The following THSD4 variants were observed in gnomAD, a reference collection of about 807,000 sequenced individuals.
THSD4 encodes thrombospondin type-1 domain-containing protein 4.
In THSD4, 69 loss-of-function variants were observed where a neutral mutation model predicts 119.0. That is an observed-to-expected ratio of 0.58 (90% CI 0.48 to 0.71). The LOEUF (loss-of-function observed/expected upper bound fraction) is 0.71. Ranked by LOEUF, THSD4 falls within the 30% of genes least tolerant of loss-of-function variation. The pLI is 0.00. For synonymous variants in THSD4, 524 were observed against 540.4 expected (o/e 0.97, Z 0.42); for missense variants, 1,393 against 1,391.1 (o/e 1.00, Z -0.02).
chr15:71,189,351 C>T (rs1343484293), intron 3 of THSD4, among the ~76,000 whole-genome samples: 4 of 152,172 alleles, frequency 2.6e-5, no homozygotes, highest in African/African-American at 4.8e-5. Flanking sequence ...TGTGCATTAG[C>T]ACCATTTCAG....
chr15:71,393,481 C>T (rs2046404071), intron 6 of THSD4, among the ~76,000 whole-genome samples: 1 of 152,014 alleles, frequency 6.6e-6, no homozygotes, highest in Non-Finnish European at 1.5e-5. Flanking sequence ...GGTTCCCAGG[C>T]CCTTGTAGAA....
chr15:71,622,547 C>T (rs1391935595), intron 7 of THSD4, among the ~76,000 whole-genome samples: 1 of 152,152 alleles, frequency 6.6e-6, no homozygotes. Context: ...TAGCATTTGG[C>T]CTTGTGTATT....
At chr15:71,423,513 G>A (rs1014589066) in intron 7 of THSD4, among the ~76,000 whole-genome samples, 1 of 152,134 alleles carries the variant, frequency 6.6e-6, no homozygotes, top group Non-Finnish European at 1.5e-5. Context: ...CTGGAATGGG[G>A]GCCTCAGGAC....
chr15:71,706,563 C>G (rs1159071393), intron 8 of THSD4, among the ~76,000 whole-genome samples: 2 of 152,172 alleles, frequency 1.3e-5, no homozygotes, highest in Non-Finnish European at 2.9e-5. Context: ...CAGTGGTGAG[C>G]ATAGCCACCT....
rs527841115 is a variant in THSD4 at position 71,503,042 on chromosome 15, A to G, written c.1152+91219A>G. ...ACAGCATACCAATTCTGTGGGTGCC[A>G]TCAATCAGGAAAGTTTGAGAAGCAC... On this transcript the variant is annotated intron_variant, in intron 7 of 17. Transcript: ENST00000261862. 2.1e-5 allele frequency among the ~76,000 whole-genome samples: 3 copies of G among 146,166 alleles called. No homozygotes were observed. In the East Asian group the frequency reaches 5.8e-4, roughly 28 times the overall value.
At chr15:71,585,465 T>C (rs796457293) in intron 7 of THSD4, among the ~76,000 whole-genome samples, 1 of 152,222 alleles carries the variant, frequency 6.6e-6, no homozygotes, top group East Asian at 1.9e-4. Context: ...GAGTTTCCTT[T>C]GTCTATGAAG....
At position 71,199,843 on chromosome 15, in the gene THSD4, CTGTGTGTGATGCATGTGTGGGGTGTG is replaced by C. The variant is rs1297834038; in HGVS notation, c.100-15183_100-15158del. On this transcript the variant is annotated intron_variant, in intron 3 of 17. Coordinates refer to ENST00000261862, the MANE Select transcript of THSD4 (RefSeq NM_024817.3). ...CACGTGTGGGGTGTGTGTGTGTGTG[CTGTGTGTGATGCATGTGTGGGGTGTG>C]TGTGTGTGTGGTGCATGTGTGGTAT... Among the ~76,000 whole-genome samples the C allele has an allele frequency of 2.0e-3, 166 of 81,092 alleles. 4 individuals are homozygous for C. In the South Asian group the frequency reaches 0.068, roughly 33 times the overall value. The allele number at this position is 81,092 out of a possible 152,430, so 53.2% of individuals were successfully genotyped here.
At chr15:71,241,449 C>G (rs1444978402) in intron 4 of THSD4, among the ~76,000 whole-genome samples, 7 of 152,124 alleles carry the variant, frequency 4.6e-5, no homozygotes, top group Non-Finnish European at 1.0e-4. Flanking sequence ...AAGGCCCTTA[C>G]CCCGCCCTGC....
chr15:71,714,311 C>G (rs1026356979), intron 8 of THSD4, among the ~76,000 whole-genome samples: 1 of 151,984 alleles, frequency 6.6e-6, no homozygotes, highest in Admixed American at 6.6e-5. Flanking sequence ...TGCTGCTATC[C>G]CCAGCACCTA....
At chr15:71,757,371 A>G (rs2053556959) in intron 14 of THSD4, among the ~76,000 whole-genome samples, 1 of 152,064 alleles carries the variant, frequency 6.6e-6, no homozygotes, top group Non-Finnish European at 1.5e-5. Flanking sequence ...ACTAGCAGGT[A>G]GAAATATGCC....
intron 6 of THSD4, among the ~76,000 whole-genome samples, chr15:71,355,257 A>C (rs2045793833): frequency 6.6e-6 from 1 of 152,234 alleles, no homozygotes; most frequent in Admixed American, 6.5e-5. Flanking sequence ...TTATTGCATA[A>C]GGTGAGTGTT....
At chr15:71,360,744 C>T (rs2045883406) in intron 6 of THSD4, among the ~76,000 whole-genome samples, 1 of 152,176 alleles carries the variant, frequency 6.6e-6, no homozygotes, top group South Asian at 2.1e-4. Context: ...TTTCACTTTA[C>T]AAGGGAGCAT....
At chr15:71,354,405 C>T (rs1330402209) in intron 6 of THSD4, among the ~76,000 whole-genome samples, 1 of 152,214 alleles carries the variant, frequency 6.6e-6, no homozygotes, top group African/African-American at 2.4e-5. Context: ...GCAGGGATCA[C>T]AGTGGCTTTA....
At chr15:71,553,173 G>A (rs566491407) in intron 7 of THSD4, among the ~76,000 whole-genome samples, 1 of 152,260 alleles carries the variant, frequency 6.6e-6, no homozygotes, top group East Asian at 1.9e-4. Flanking sequence ...ATGTGTATGT[G>A]TATGCCTATG....
At chr15:71,458,956 A>G (rs1036758868) in intron 7 of THSD4, among the ~76,000 whole-genome samples, 1 of 152,100 alleles carries the variant, frequency 6.6e-6, no homozygotes, top group Non-Finnish European at 1.5e-5. Flanking sequence ...GCCAGTCACA[A>G]GTTCTTTACT....
At chr15:71,576,717 A>G (rs994979079) in intron 7 of THSD4, among the ~76,000 whole-genome samples, 3 of 152,206 alleles carry the variant, frequency 2.0e-5, no homozygotes, top group African/African-American at 7.2e-5. Context: ...ATCACACAGT[A>G]GACGTTAAGG....
chr15:71,111,406 TAGGTCAGCATTCCAGAGTTCCTGG>T, upstream of THSD4: 1 of 1,610,094 alleles, frequency 6.2e-7, no homozygotes, highest in Non-Finnish European at 8.5e-7. Context: ...ACTCAGACTG[TAGGTCAGCATTCCAGAGTTCCTGG>T]AGGAGGAAGA....
chr15:71,661,132 C>T lies in THSD4; in HGVS notation c.1357+398C>T, dbSNP rs747500714. ...AATTGATCCTATCTATACCTTCACT[C>T]CCTGGAGGTCTAAAGCGAAGCCATT... On this transcript the variant is annotated intron_variant, in intron 8 of 17. Coordinates refer to ENST00000261862, the MANE Select transcript of THSD4 (RefSeq NM_024817.3). Among the ~76,000 whole-genome samples the T allele has an allele frequency of 6.6e-5, 10 of 152,280 alleles. No individual in the cohort carries two copies. The South Asian group carries it at 8.3e-4, about 13-fold the overall frequency.
chr15:71,579,724 ATATTGGAGACACC>A (rs2049522020), intron 7 of THSD4, among the ~76,000 whole-genome samples: 1 of 152,188 alleles, frequency 6.6e-6, no homozygotes, highest in Non-Finnish European at 1.5e-5. Context: ...AGCTTTCAAA[ATATTGGAGACACC>A]ATGGTTTGGA....
Sources: allele counts gnomAD v4.1 joint callset (sites outside exome capture counted in the v4.1 genomes callset), GRCh38; gene constraint gnomAD v4.1.1; transcripts MANE v1.5; gene names NCBI Gene and HGNC (gene_info 2026-07-23, HGNC 2026-07-21).